HACE1: variants seen among roughly 807,000 people sequenced by gnomAD.
HACE1 encodes HECT domain and ankyrin repeat containing E3 ubiquitin protein ligase 1, also known as E3 ubiquitin-protein ligase HACE1.
Under a neutral mutation model 118.4 loss-of-function variants are expected in HACE1, and 73 were observed. The ratio of observed to expected loss-of-function variants is 0.62; its 90% CI spans 0.51 to 0.75. The LOEUF (loss-of-function observed/expected upper bound fraction) is 0.75. Among genes scored for constraint, HACE1 ranks in the 30% least tolerant of loss-of-function variants. HACE1 has a pLI of 0.00. For synonymous variants in HACE1, 368 were observed against 374.8 expected (o/e 0.98, Z 0.21); for missense variants, 749 against 1,102.2 (o/e 0.68, Z 4.54).
rs374813736 is a variant in HACE1, at chr6:104,750,471, G to A, written c.2213C>T (p.Ala738Val). 6.2e-6 allele frequency: 10 copies of A among 1,612,898 alleles called. No individual in the cohort carries two copies. Among genetic ancestry groups the A allele is most frequent in the Middle Eastern group, 1.6e-4 (1 of 6,080 alleles). ...TTCAGTAACAAGCTGGACGTACTCCGCCTGTTGAAAAAGAAGTTTTCATGA... is the reference window on the plus strand; with the variant it reads ...TTCAGTAACAAGCTGGACGTACTCCACCTGTTGAAAAAGAAGTTTTCATGA... Reference protein sequence around the residue: ...GSILVTQNNKAEYVQLVTELR... With the variant: ...GSILVTQNNKVEYVQLVTELR... Residue 738 changes from alanine (A) to valine (V), a missense_variant and splice_region_variant, in exon 20 of 24, where the codon GCG (alanine) becomes GTG (valine). By Grantham distance (64) the Ala-to-Val change is moderately conservative. Around this residue, in one of 5 missense-constraint regions of HACE1, gnomAD observed 165 missense variants for 229.9 expected, o/e 0.72. Transcript: ENST00000262903.
chr6:104,823,044 C>T (rs938920679), intron 6 of HACE1, among the ~76,000 whole-genome samples: 3 of 152,160 alleles, frequency 2.0e-5, no homozygotes, highest in African/African-American at 7.2e-5. Flanking sequence ...CTGTCATAGC[C>T]TTGTATTTGG....
At chr6:104,782,211 G>T (rs1781814259) in intron 14 of HACE1, among the ~76,000 whole-genome samples, 3 of 152,158 alleles carry the variant, frequency 2.0e-5, no homozygotes, top group South Asian at 2.1e-4. Flanking sequence ...AACTTGTCCG[G>T]GTGTGGTGGC....
At chr6:104,792,909 A>G (rs1216247793) in intron 10 of HACE1, among the ~76,000 whole-genome samples, 1 of 152,118 alleles carries the variant, frequency 6.6e-6, no homozygotes, top group Non-Finnish European at 1.5e-5. Context: ...GCAGAAGCTC[A>G]AGGTTGTTGC....
chr6:104,737,614 T>G (rs1776049732), intron 22 of HACE1, among the ~76,000 whole-genome samples: 1 of 152,164 alleles, frequency 6.6e-6, no homozygotes, highest in Non-Finnish European at 1.5e-5. Flanking sequence ...TACTGCGCTT[T>G]TCCGATGGGC....
chr6:104,747,330 A>T (rs1777536993), intron 20 of HACE1, among the ~76,000 whole-genome samples: 1 of 152,120 alleles, frequency 6.6e-6, no homozygotes. Flanking sequence ...AACAGTCCAC[A>T]GTCATCTCTT....
intron 19 of HACE1, among the ~76,000 whole-genome samples, chr6:104,753,319 T>G (rs1008184680): frequency 1.3e-5 from 2 of 152,108 alleles, no homozygotes; most frequent in African/African-American, 4.8e-5. Context: ...CCTGCTGGCT[T>G]TGGAGAATAC....
intron 22 of HACE1, among the ~76,000 whole-genome samples, chr6:104,736,367 C>A (rs1775834720): frequency 6.6e-6 from 1 of 152,106 alleles, no homozygotes; most frequent in African/African-American, 2.4e-5. Context: ...TCACTGCAAT[C>A]TCCACCTCCC....
chr6:104,805,653 A>T (rs922593333), intron 7 of HACE1, among the ~76,000 whole-genome samples: 2 of 152,198 alleles, frequency 1.3e-5, no homozygotes, highest in African/African-American at 2.4e-5. Flanking sequence ...GAATTGAACA[A>T]TGAGAACACT....
At chr6:104,821,946 G>A (rs1309022579) in intron 6 of HACE1, among the ~76,000 whole-genome samples, 2 of 152,138 alleles carry the variant, frequency 1.3e-5, no homozygotes, top group Non-Finnish European at 2.9e-5. Context: ...CTATTTTCAT[G>A]CCTGTAACCA....
rs76748431 is a variant in HACE1, at chr6:104,774,715, G to A, written c.1864+2026C>T. Among the ~76,000 whole-genome samples, 41 of 152,228 alleles carry A rather than the reference G, an allele frequency of 2.7e-4. 1 individual carries two copies. In the East Asian group the frequency reaches 7.5e-3, roughly 28 times the overall value. ...CATCATTTTTAAATGAGGACACAAA[G>A]GCGCAGAATAGTTAAGTTTACTGGC... On this transcript the variant is annotated intron_variant, in intron 17 of 23. Transcript: ENST00000262903.
chr6:104,780,331 G>T (rs1163779539), intron 14 of HACE1: 2 of 449,090 alleles, frequency 4.5e-6, no homozygotes, highest in South Asian at 3.2e-5. Context: ...GTACATTTTT[G>T]TATGTAAACT....
intron 14 of HACE1, 97 bp downstream of exon 14, chr6:104,783,989 G>A (rs2114789719): frequency 4.1e-6 from 3 of 735,630 alleles, no homozygotes; most frequent in Non-Finnish European, 7.3e-6. Flanking sequence ...TCTTACAACA[G>A]AATGTCTGAA....
intron 19 of HACE1, among the ~76,000 whole-genome samples, chr6:104,762,945 G>A (rs1277605909): frequency 4.9e-5 from 7 of 142,118 alleles, no homozygotes; most frequent in East Asian, 2.1e-4. Context: ...AGCTGAGATC[G>A]CGCCACTGAA....
At chr6:104,849,912 A>C (rs2114279096) in intron 3 of HACE1, among the ~76,000 whole-genome samples, 1 of 149,662 alleles carries the variant, frequency 6.7e-6, no homozygotes, top group East Asian at 2.0e-4. Context: ...GGCCTCCCAA[A>C]GTGCTAGGAT....
intron 22 of HACE1, 99 bp from the exon 23 acceptor site, chr6:104,730,515 T>C (rs1775089472): frequency 2.8e-6 from 2 of 716,278 alleles, no homozygotes; most frequent in Admixed American, 1.9e-5. Context: ...TATCCAACTC[T>C]AGGACAATGA....
chr6:104,776,748 T>A lies in HACE1; in HGVS notation c.1857A>T (p.Ser619=). ...VNPDYALFTQ[S]ADGTTFQPNS... is the part of the protein sequence containing the mutation. ...CTAGACTGTACAACTTACCATCAGC[T>A]GACTGGGTAAACAATGCATAATCAG... Residue 619 remains serine, a synonymous_variant, in exon 17 of 24, where the codon TCA becomes TCT. Transcript: ENST00000262903. 1.3e-6 allele frequency: 2 copies of A among 1,590,724 alleles called. No homozygotes were observed. The highest frequency in any genetic ancestry group is 2.7e-5 in the African/African-American group (2 of 74,592).
At position 104,770,556 on chromosome 6, in the gene HACE1, T is replaced by C. The variant is rs548808576; in HGVS notation, c.2211+637A>G. 2.6e-5 allele frequency among the ~76,000 whole-genome samples: 4 copies of C among 152,054 alleles called. No individual in the cohort carries two copies. In the East Asian group the frequency reaches 5.8e-4, roughly 22 times the overall value. The stretch of plus-strand genomic sequence containing the variant: ...CAACATGGTGAAACCCCGTCTCTAC[T>C]AAAAATACAAAAATTATCTGGGCAT... On this transcript the variant is annotated intron_variant, in intron 19 of 23. Coordinates refer to ENST00000262903, the MANE Select transcript of HACE1 (RefSeq NM_020771.4).
At chr6:104,817,332 T>G (rs1772226811) in intron 6 of HACE1, among the ~76,000 whole-genome samples, 1 of 152,112 alleles carries the variant, frequency 6.6e-6, no homozygotes, top group Non-Finnish European at 1.5e-5. Context: ...TTGCTGCTCT[T>G]GTGATAGTGA....
In HACE1 at chr6:104,814,666, C is replaced by T. The variant is rs921974478; in HGVS notation, c.535-3273G>A. 5.9e-4 allele frequency among the ~76,000 whole-genome samples: 81 copies of T among 136,434 alleles called. 17 individuals are homozygous for T. Among genetic ancestry groups the T allele is most frequent in the Admixed American group, 8.0e-4 (11 of 13,778 alleles). The allele number at this position is 136,434 out of a possible 152,430, so 89.5% of individuals were successfully genotyped here. On this transcript the variant is annotated intron_variant, in intron 6 of 23. Transcript: ENST00000262903. ...GGGTGATATGGGTTGGATTTGTGTC[C>T]CTGCCAAAATCTCCTGTTGAATTGG...
Sources: gnomAD v4.1 joint callset for allele counts (sites outside exome capture counted in the v4.1 genomes callset) on GRCh38, gnomAD v4.1.1 for gene constraint, gnomAD v4.1.1 regional missense constraint, MANE v1.5 for transcripts, NCBI Gene and HGNC (gene_info 2026-07-23, HGNC 2026-07-21) for gene names.